Variants in WAC observed in about 807,000 individuals in gnomAD.
WAC encodes WW domain-containing adapter protein with coiled-coil.
A neutral mutation model predicts 79.6 loss-of-function variants in WAC; 11 were observed. The ratio of observed to expected loss-of-function variants is 0.14; its 90% CI spans 0.09 to 0.23. The LOEUF is 0.23. Among genes scored for constraint, WAC ranks in the 10% least tolerant of loss-of-function variants. The probability of loss-of-function intolerance (pLI) is 1.00; values close to 1 mark genes in which losing one functional copy is unlikely to be tolerated. For missense variants in WAC, 728 were observed against 773.5 expected (o/e 0.94, Z 0.70); for synonymous variants, 304 against 276.9 (o/e 1.10, Z -0.97).
chr10:28,581,173 A>G (rs1053698175), intron 3 of WAC, among the ~76,000 whole-genome samples: 1 of 149,810 alleles, frequency 6.7e-6, no homozygotes, highest in African/African-American at 2.4e-5. Context: ...AGACTCCAGT[A>G]GGAAAGCAGG....
Position 28,616,264 on chromosome 10 carries a change from C to G in WAC, c.1648C>G (p.Arg550Gly). 1 of 1,613,910 alleles carries G rather than the reference C, an allele frequency of 6.2e-7. No homozygotes were observed. Among genetic ancestry groups the G allele is most frequent in the Non-Finnish European group, 8.5e-7 (1 of 1,179,912 alleles). Residue 550 changes from arginine to glycine, a missense_variant, in exon 12 of 14, where the codon CGA becomes GGA. By Grantham distance (125) the Arg-to-Gly change is moderately radical. Transcript: ENST00000354911. ...AGTTGTACCACAGAATTCTTCTGCCCGATCCACGTGTTCATTAACGCCTGC... is the reference window on the plus strand; with the variant it reads ...AGTTGTACCACAGAATTCTTCTGCCGGATCCACGTGTTCATTAACGCCTGC... ...ATVVPQNSSA[R>G]STCSLTPALA...
At position 28,620,609 on chromosome 10, in the gene WAC, A is replaced by C. The variant is rs140175278; in HGVS notation, c.*1003A>C. 2.0e-5 allele frequency: 3 copies of C among 152,602 alleles called. No individual in the cohort carries two copies. In the East Asian group the frequency reaches 5.8e-4, roughly 29 times the overall value. The allele number at this position is 152,602 out of a possible 1,614,324, so 9.5% of individuals were successfully genotyped here. ...TTGAACTACCTGGGGATTCTTTATC[A>C]GAACTGTTCTTGTTGAATATTTATA... On this transcript the variant is annotated 3_prime_UTR_variant, in exon 14 of 14. Coordinates refer to ENST00000354911, the MANE Select transcript of WAC (RefSeq NM_016628.5).
chr10:28,533,896 A>G lies in WAC; in HGVS notation c.42-102A>G, dbSNP rs1836447137. On this transcript the variant is annotated intron_variant, in intron 1 of 13. Transcript: ENST00000354911. ...GGGGCTCGGCGCTGGGGCGCTCGGTAGGTCTCCCGCGGGGAGGGGCGGCGG... is the reference window on the plus strand; with the variant it reads ...GGGGCTCGGCGCTGGGGCGCTCGGTGGGTCTCCCGCGGGGAGGGGCGGCGG... 5 of 1,410,038 alleles carry G rather than the reference A, an allele frequency of 3.5e-6. No individual in the cohort carries two copies. In the South Asian group the frequency reaches 3.6e-5, roughly 10 times the overall value. The allele number at this position is 1,410,038 out of a possible 1,614,324, so 87.3% of individuals were successfully genotyped here. A position where few individuals can be genotyped will look rare whatever the true frequency, so the allele number is the denominator to read the frequency against.
intron 3 of WAC, among the ~76,000 whole-genome samples, chr10:28,541,816 T>G (rs1837067313): frequency 6.6e-6 from 1 of 152,130 alleles, no homozygotes; most frequent in Admixed American, 6.5e-5. Flanking sequence ...TATTTTATCA[T>G]TTTAGTTCTG....
At chr10:28,534,306 G>C in intron 2 of WAC, 1 of 392,954 alleles carries the variant, frequency 2.5e-6, no homozygotes, top group Admixed American at 4.4e-5. Context: ...TCGATTATTT[G>C]ATTATTTGCG....
intron 3 of WAC, among the ~76,000 whole-genome samples, chr10:28,550,411 C>T (rs1347012070): frequency 6.6e-6 from 1 of 151,400 alleles, no homozygotes; most frequent in African/African-American, 2.4e-5. Context: ...CCTTCAAGGT[C>T]CCACTTTATT....
intron 3 of WAC, among the ~76,000 whole-genome samples, chr10:28,571,628 A>G (rs1838972158): frequency 6.6e-6 from 1 of 152,256 alleles, no homozygotes; most frequent in Admixed American, 6.5e-5. Context: ...ACTCAGACAG[A>G]TGAAAGCGCA....
chr10:28,553,145 G>A (rs1837784910), intron 3 of WAC, among the ~76,000 whole-genome samples: 1 of 152,174 alleles, frequency 6.6e-6, no homozygotes, highest in South Asian at 2.1e-4. Flanking sequence ...CAGGAAAATA[G>A]TTATCTCTGG....
At chr10:28,549,214 T>C (rs1362617173) in intron 3 of WAC, among the ~76,000 whole-genome samples, 2 of 152,252 alleles carry the variant, frequency 1.3e-5, no homozygotes, top group African/African-American at 2.4e-5. Flanking sequence ...TTTGATTTTT[T>C]ATGGTGTTGG....
intron 6 of WAC, among the ~76,000 whole-genome samples, chr10:28,592,235 A>G (rs1047698046): frequency 3.3e-5 from 5 of 152,188 alleles, no homozygotes; most frequent in South Asian, 2.1e-4. Context: ...TCAAACAATT[A>G]AAAATGAGAC....
rs569696256 is a variant in WAC at position 28,590,674 on chromosome 10, G to T, written c.498-46G>T. 55 of 1,482,944 alleles carry T rather than the reference G, an allele frequency of 3.7e-5. No homozygotes were observed. In the East Asian group the frequency reaches 1.2e-3, roughly 32 times the overall value. The allele number at this position is 1,482,944 out of a possible 1,614,324, so 91.9% of individuals were successfully genotyped here. A position where few individuals can be genotyped will look rare whatever the true frequency, so the allele number is the denominator to read the frequency against. ...AGAGCTGTTTAGTATGGAAACTCAT[G>T]CCCTTAATGTAATTTTTATATGTTT... On this transcript the variant is annotated intron_variant, in intron 5 of 13. Coordinates refer to ENST00000354911, the MANE Select transcript of WAC (RefSeq NM_016628.5).
chr10:28,535,663 G>C lies in WAC; in HGVS notation c.180G>C (p.Arg60=), dbSNP rs1836611138. Residue 60 remains arginine (R), a synonymous_variant, in exon 3 of 14, where the codon CGG becomes CGC. Coordinates refer to ENST00000354911, the MANE Select transcript of WAC (RefSeq NM_016628.5). ...CTTCACCACCAAATAAAATGTTGCGGAGATCTGATAGTCCTGAAAACAAAT... is the reference window on the plus strand; with the variant it reads ...CTTCACCACCAAATAAAATGTTGCGCAGATCTGATAGTCCTGAAAACAAAT... The part of the protein sequence containing the change: ...GDPSPPNKML[R]RSDSPENKYS... 1.2e-6 allele frequency: 2 copies of C among 1,614,126 alleles called. No homozygotes were observed. Among genetic ancestry groups the C allele is most frequent in the African/African-American group, 2.7e-5 (2 of 75,020 alleles).
chr10:28,602,968 G>A (rs1204495331), intron 7 of WAC, among the ~76,000 whole-genome samples: 3 of 152,270 alleles, frequency 2.0e-5, no homozygotes, highest in South Asian at 2.1e-4. Context: ...TAATTGGTCA[G>A]ATATACAAGT....
At chr10:28,547,266 G>A (rs1055845910) in intron 3 of WAC, among the ~76,000 whole-genome samples, 4 of 152,140 alleles carry the variant, frequency 2.6e-5, no homozygotes, top group Non-Finnish European at 2.9e-5. Flanking sequence ...CAGGTGCGGT[G>A]GCTCACCCCT....
At chr10:28,586,115 T>A (rs1323338518) in intron 4 of WAC, among the ~76,000 whole-genome samples, 1 of 152,232 alleles carries the variant, frequency 6.6e-6, no homozygotes, top group Non-Finnish European at 1.5e-5. Context: ...ACAGCCCTTA[T>A]GAACTGTAAA....
intron 3 of WAC, among the ~76,000 whole-genome samples, chr10:28,553,945 T>C (rs919631910): frequency 1.3e-5 from 2 of 152,218 alleles, no homozygotes; most frequent in Non-Finnish European, 2.9e-5. Context: ...TTTGGCTCAC[T>C]GCAGCCTCCA....
At chr10:28,585,698 C>T (rs1434227884) in intron 4 of WAC, among the ~76,000 whole-genome samples, 1 of 152,058 alleles carries the variant, frequency 6.6e-6, no homozygotes, top group Non-Finnish European at 1.5e-5. Flanking sequence ...GTAACACTAA[C>T]CTAAAGTTCC....
At chr10:28,577,423 T>C (rs1358371539) in intron 3 of WAC, among the ~76,000 whole-genome samples, 1 of 152,208 alleles carries the variant, frequency 6.6e-6, no homozygotes, top group South Asian at 2.1e-4. Flanking sequence ...ATAATAAAGT[T>C]GCATAATTTT....
intron 8 of WAC, among the ~76,000 whole-genome samples, chr10:28,609,395 T>A (rs1841116645): frequency 6.6e-6 from 1 of 152,220 alleles, no homozygotes; most frequent in Non-Finnish European, 1.5e-5. Context: ...TCAATTTTTA[T>A]GTACATTTTC....
Sources: gnomAD v4.1 joint callset for allele counts (sites outside exome capture counted in the v4.1 genomes callset) on GRCh38, gnomAD v4.1.1 for gene constraint, MANE v1.5 for transcripts, NCBI Gene and HGNC (gene_info 2026-07-23, HGNC 2026-07-21) for gene names.